The following DMXL1 variants were observed in gnomAD, a reference collection of about 807,000 sequenced individuals.
The protein encoded by DMXL1 is Dmx like 1.
Under a neutral mutation model 319.2 loss-of-function variants are expected in DMXL1, and 99 were observed. The observed-to-expected ratio is 0.31, with a 90% CI of 0.26 to 0.37. The LOEUF (loss-of-function observed/expected upper bound fraction) is 0.37. DMXL1 is among the 10% of genes least tolerant of loss of function. DMXL1 has a pLI of 1.00. For synonymous variants in DMXL1, 1,385 were observed against 1,235.2 expected, an observed-to-expected ratio of 1.12 and a Z score of -2.54; for missense variants, 3,745 against 3,595.6, an observed-to-expected ratio of 1.04 and a Z score of -1.06.
At chr5:119,071,760 C>T in intron 1 of DMXL1, 104 bp downstream of exon 1, 2 of 1,072,462 alleles carry the variant, frequency 1.9e-6, no homozygotes, top group Non-Finnish European at 2.6e-6. Flanking sequence ...GTCTTGTCTC[C>T]CCAGGGGGGT....
At chr5:119,084,408 C>G (rs949262859) in intron 1 of DMXL1, among the ~76,000 whole-genome samples, 2 of 152,212 alleles carry the variant, frequency 1.3e-5, no homozygotes, top group Admixed American at 6.5e-5. Flanking sequence ...GCGTGAGCCA[C>G]TGTGCCTGAC....
chr5:119,170,157 T>A, intron 23 of DMXL1, 33 bp from the exon 24 acceptor site: 1 of 1,558,318 alleles, frequency 6.4e-7, no homozygotes, highest in South Asian at 1.3e-5. Context: ...AGTTCATAAC[T>A]TTTCTTGGCT....
At chr5:119,115,034 T>G (rs1368245586) in intron 6 of DMXL1, among the ~76,000 whole-genome samples, 1 of 152,202 alleles carries the variant, frequency 6.6e-6, no homozygotes, top group Non-Finnish European at 1.5e-5. Context: ...GTGATATAAT[T>G]GAAATTACAT....
At chr5:119,214,728 C>T (rs2150539547) in intron 34 of DMXL1, among the ~76,000 whole-genome samples, 2 of 152,230 alleles carry the variant, frequency 1.3e-5, no homozygotes, top group East Asian at 1.9e-4. Flanking sequence ...TTGACACCAC[C>T]TTACTGAGAA....
intron 6 of DMXL1, among the ~76,000 whole-genome samples, chr5:119,114,917 C>T (rs1760502645): frequency 6.6e-6 from 1 of 152,210 alleles, no homozygotes; most frequent in African/African-American, 2.4e-5. Flanking sequence ...ATCCGCCCAC[C>T]TCGGCCTCCC....
At chr5:119,114,696 A>C (rs902211658) in intron 6 of DMXL1, among the ~76,000 whole-genome samples, 155 bp downstream of exon 6, 1 of 151,910 alleles carries the variant, frequency 6.6e-6, no homozygotes. Context: ...TGTGATGGAG[A>C]CTCACTCTGT....
chr5:119,210,229 G>A (rs1782508059), intron 34 of DMXL1, among the ~76,000 whole-genome samples: 1 of 152,326 alleles, frequency 6.6e-6, no homozygotes, highest in South Asian at 2.1e-4. Context: ...GGGATTAGGA[G>A]CGTGAACCAC....
At chr5:119,155,784 A>T (rs1770885428) in intron 19 of DMXL1, among the ~76,000 whole-genome samples, 2 of 144,964 alleles carry the variant, frequency 1.4e-5, no homozygotes, top group South Asian at 4.6e-4. Flanking sequence ...CTATGATCAC[A>T]CCACTGCACT....
chr5:119,207,189 T>C (rs1261650553), intron 34 of DMXL1, among the ~76,000 whole-genome samples: 2 of 152,170 alleles, frequency 1.3e-5, no homozygotes, highest in Non-Finnish European at 2.9e-5. Context: ...CAATAGCAAT[T>C]GTCTAGTAGT....
intron 2 of DMXL1, among the ~76,000 whole-genome samples, chr5:119,101,085 A>G (rs1294120110): frequency 6.6e-6 from 1 of 151,902 alleles, no homozygotes; most frequent in Non-Finnish European, 1.5e-5. Flanking sequence ...CCGGCCTTAC[A>G]CCTGTTTTCA....
chr5:119,184,799 G>A (rs987541709), intron 28 of DMXL1, among the ~76,000 whole-genome samples: 5 of 152,156 alleles, frequency 3.3e-5, no homozygotes, highest in Middle Eastern at 3.4e-3. Flanking sequence ...TGTAGCTTGC[G>A]ACAGAATTTC....
At chr5:119,109,264 T>TA (rs1418143241) in intron 4 of DMXL1, among the ~76,000 whole-genome samples, 4 of 152,238 alleles carry the variant, frequency 2.6e-5, no homozygotes, top group Admixed American at 2.6e-4. Context: ...CGATGTAAGT[T>TA]ACATATTATC....
At chr5:119,100,177 G>GA (rs938499703) in intron 2 of DMXL1, among the ~76,000 whole-genome samples, 16 of 152,110 alleles carry the variant, frequency 1.1e-4, no homozygotes, top group African/African-American at 3.9e-4. Flanking sequence ...ATTTAAGAAG[G>GA]AAATGTTCTT....
chr5:119,236,734 TAAG>T (rs959025559), intron 39 of DMXL1: 16 of 151,988 alleles, frequency 1.1e-4, no homozygotes, highest in African/African-American at 3.9e-4. Context: ...TACTTTATAA[TAAG>T]CTGCGTTATT....
intron 39 of DMXL1, among the ~76,000 whole-genome samples, chr5:119,235,304 TACA>T (rs1478474288): frequency 6.6e-6 from 1 of 152,102 alleles, no homozygotes; most frequent in Non-Finnish European, 1.5e-5. Flanking sequence ...ATTACATTTA[TACA>T]ACAAGAACAT....
intron 5 of DMXL1, 81 bp from the exon 6 acceptor site, chr5:119,114,394 G>T: frequency 1.0e-6 from 1 of 994,620 alleles, no homozygotes; most frequent in Non-Finnish European, 1.5e-6. Context: ...TGAACCAATT[G>T]CTGATTTATA....
chr5:119,151,401 A>G (rs571231042), intron 18 of DMXL1, among the ~76,000 whole-genome samples: 2 of 152,322 alleles, frequency 1.3e-5, no homozygotes, highest in South Asian at 4.1e-4. Context: ...TAAATTTAAG[A>G]AAAATTAAGT....
Position 119,165,192 on chromosome 5 carries a change from G to T in DMXL1, c.4882G>T (p.Ala1628Ser), listed in dbSNP as rs1203599124. The change falls in exon 21 of 44, where the codon GCA (alanine) becomes TCA (serine). Residue 1628 changes from alanine to serine, a missense_variant. Coordinates refer to ENST00000539542, the MANE Select transcript of DMXL1 (RefSeq NM_001290321.3). Reference sequence around the variant, plus strand: ...TATTTTTTGATTATAGGTAGCTAAAGCAGCCTTTTATAGAAAGAATGATCC... The same window carrying T: ...TATTTTTTGATTATAGGTAGCTAAATCAGCCTTTTATAGAAAGAATGATCC... ...LRKCIEKVAK[A>S]AFYRKNDPLD... The T allele has an allele frequency of 6.3e-7, 1 of 1,583,874 alleles. No individual in the cohort carries two copies. The highest frequency in any genetic ancestry group is 8.6e-7 in the Non-Finnish European group (1 of 1,168,066).
rs751842319 is a variant in DMXL1, at chr5:119,133,402, T to C, written c.1569+17T>C. On this transcript the variant is annotated intron_variant, in intron 11 of 43. Transcript: ENST00000539542. ...CAAGTACAGGTACTACTGTTATTTC[T>C]GGAGAGCTACTTCCTTGTTTATGTG... is the stretch of plus-strand genomic sequence containing the variant. 1 of 1,602,684 alleles carries C rather than the reference T, an allele frequency of 6.2e-7. No homozygotes were observed.
Sources: gnomAD v4.1 joint callset for allele counts (sites outside exome capture counted in the v4.1 genomes callset) on GRCh38, gnomAD v4.1.1 for gene constraint, MANE v1.5 for transcripts, NCBI Gene and HGNC (gene_info 2026-07-23, HGNC 2026-07-21) for gene names.